CALN1: variants seen among roughly 807,000 people sequenced by gnomAD.
CALN1 encodes calneuron 1, also known as calcium-binding protein 8.
Under a neutral mutation model 30.6 loss-of-function variants are expected in CALN1, and 17 were observed. The ratio of observed to expected loss-of-function variants is 0.56; its 90% CI spans 0.38 to 0.83. The LOEUF is 0.83. Ranked by LOEUF, CALN1 falls within the 40% of genes least tolerant of loss-of-function variation. The pLI is 0.00. For missense variants in CALN1, 291 were observed against 354.9 expected (o/e 0.82, Z 1.45); for synonymous variants, 156 against 131.4 (o/e 1.19, Z -1.28).
intron 2 of CALN1, among the ~76,000 whole-genome samples, chr7:72,351,560 A>T (rs1802917114): frequency 6.6e-6 from 1 of 152,228 alleles, no homozygotes; most frequent in South Asian, 2.1e-4. Flanking sequence ...TACAGCACAA[A>T]GGGAGTAAGG....
chr7:72,455,308 A>G, the CALN1 span, among the ~76,000 whole-genome samples: 4 of 139,544 alleles, frequency 2.9e-5, no homozygotes, highest in Non-Finnish European at 6.2e-5. Context: ...TTCTAGAAAC[A>G]ATATATATAT....
chr7:72,327,678 C>G (rs1456871852), intron 2 of CALN1, among the ~76,000 whole-genome samples: 1 of 152,162 alleles, frequency 6.6e-6, no homozygotes, highest in Non-Finnish European at 1.5e-5. Flanking sequence ...GTGATACAAA[C>G]TTTTGGGATC....
At chr7:72,115,476 T>A (rs1294579380) in intron 3 of CALN1, among the ~76,000 whole-genome samples, 1 of 142,500 alleles carries the variant, frequency 7.0e-6, no homozygotes, top group African/African-American at 2.6e-5. Context: ...ACATTACACA[T>A]ATACATTCTT....
chr7:72,034,381 G>C (rs1319282194), intron 4 of CALN1, among the ~76,000 whole-genome samples: 1 of 148,330 alleles, frequency 6.7e-6, no homozygotes, highest in Admixed American at 6.7e-5. Flanking sequence ...GAAAAGAAAA[G>C]AAACTAGGAA....
intron 5 of CALN1, among the ~76,000 whole-genome samples, chr7:71,886,679 A>G (rs944627540): frequency 7.2e-5 from 11 of 151,976 alleles, no homozygotes; most frequent in African/African-American, 2.7e-4. Context: ...AGGCTGAGGC[A>G]TAAGAATCAC....
At chr7:72,126,360 G>C (rs1041949577) in intron 3 of CALN1, among the ~76,000 whole-genome samples, 1 of 152,070 alleles carries the variant, frequency 6.6e-6, no homozygotes, top group Non-Finnish European at 1.5e-5. Context: ...TTTGACTTCT[G>C]CTGCTAAAAT....
At chr7:72,044,187 CCT>C (rs1051925331) in intron 4 of CALN1, among the ~76,000 whole-genome samples, 6 of 152,056 alleles carry the variant, frequency 3.9e-5, no homozygotes, top group African/African-American at 1.4e-4. Flanking sequence ...GCTATTGCCC[CCT>C]CTCTCCCCTC....
chr7:72,026,894 G>A (rs1158323856), intron 4 of CALN1, among the ~76,000 whole-genome samples: 2 of 147,292 alleles, frequency 1.4e-5, no homozygotes, highest in African/African-American at 2.6e-5. Flanking sequence ...CTAACTCCAC[G>A]TGGCTCCACG....
chr7:72,083,627 A>G (rs529275363), intron 4 of CALN1, among the ~76,000 whole-genome samples: 3 of 152,232 alleles, frequency 2.0e-5, no homozygotes, highest in African/African-American at 7.2e-5. Flanking sequence ...CAAGGAATAA[A>G]AAATACATAT....
chr7:72,103,269 G>T (rs377515124), intron 4 of CALN1: 134 of 173,792 alleles, frequency 7.7e-4, no homozygotes, highest in African/African-American at 3.1e-3. Flanking sequence ...TCGATATCCT[G>T]GAAGACACCA....
chr7:72,464,933 C>A, the CALN1 span, among the ~76,000 whole-genome samples: 1 of 152,292 alleles, frequency 6.6e-6, no homozygotes, highest in Non-Finnish European at 1.5e-5. Flanking sequence ...CCTATGTCAA[C>A]CCTCATGGCA....
At chr7:72,093,983 T>A (rs536470432) in intron 4 of CALN1, among the ~76,000 whole-genome samples, 1 of 152,278 alleles carries the variant, frequency 6.6e-6, no homozygotes, top group East Asian at 1.9e-4. Context: ...CAAGATCAAC[T>A]TGAAGACCAT....
intron 5 of CALN1, among the ~76,000 whole-genome samples, chr7:71,901,196 G>A (rs1210918742): frequency 1.3e-5 from 2 of 151,982 alleles, no homozygotes; most frequent in Non-Finnish European, 2.9e-5. Flanking sequence ...AAAATACCTA[G>A]AAATGCATTT....
chr7:72,327,520 A>G (rs1249472483), intron 2 of CALN1, among the ~76,000 whole-genome samples: 1 of 152,168 alleles, frequency 6.6e-6, no homozygotes, highest in Non-Finnish European at 1.5e-5. Context: ...CACTTCATTG[A>G]ACGTTTTTCT....
intron 3 of CALN1, among the ~76,000 whole-genome samples, chr7:72,146,885 C>T (rs1368551955): frequency 1.3e-5 from 2 of 152,062 alleles, no homozygotes; most frequent in Non-Finnish European, 2.9e-5. Flanking sequence ...CCCTATTTAA[C>T]AAATGGTGCT....
intron 2 of CALN1, among the ~76,000 whole-genome samples, chr7:72,342,686 AC>A (rs1362730929): frequency 6.6e-6 from 1 of 152,132 alleles, no homozygotes; most frequent in East Asian, 1.9e-4. Flanking sequence ...CAAATCAGAC[AC>A]CAAGACAAGT....
intron 5 of CALN1, among the ~76,000 whole-genome samples, chr7:71,963,160 TTTA>T (rs939315264): frequency 2.0e-5 from 3 of 152,074 alleles, no homozygotes; most frequent in Non-Finnish European, 1.5e-5. Context: ...CTTTGTTATT[TTTA>T]TTATTATTAT....
chr7:72,321,662 T>G (rs1800891310), intron 2 of CALN1, among the ~76,000 whole-genome samples: 1 of 152,116 alleles, frequency 6.6e-6, no homozygotes, highest in South Asian at 2.1e-4. Flanking sequence ...GTTGGTGAGG[T>G]GCCTGGAGGG....
intron 3 of CALN1, among the ~76,000 whole-genome samples, chr7:72,122,768 C>T (rs1808483597): frequency 6.6e-6 from 1 of 152,090 alleles, no homozygotes; most frequent in African/African-American, 2.4e-5. Context: ...ATCTTCGGAT[C>T]ATTCAATTCA....
Sources: allele counts gnomAD v4.1 joint callset (sites outside exome capture counted in the v4.1 genomes callset), GRCh38; gene constraint gnomAD v4.1.1; transcripts MANE v1.5; gene names NCBI Gene and HGNC (gene_info 2026-07-23, HGNC 2026-07-21).